CUX2: variants seen among roughly 807,000 people sequenced by gnomAD.
CUX2 encodes the protein cut like homeobox 2.
CUX2 carries 40 observed loss-of-function variants against 144.8 expected under a neutral mutation model. That is an observed-to-expected ratio of 0.28 (90% CI 0.21 to 0.36). The LOEUF is 0.36. Among genes scored for constraint, CUX2 ranks in the 10% least tolerant of loss-of-function variants. The probability of loss-of-function intolerance (pLI) is 1.00; values close to 1 mark genes in which losing one functional copy is unlikely to be tolerated. For missense variants in CUX2, 1,615 were observed against 1,994.0 expected (o/e 0.81, Z 3.62); for synonymous variants, 827 against 875.6 (o/e 0.94, Z 0.98).
At chr12:111,165,703 G>A (rs1878095832) in intron 1 of CUX2, among the ~76,000 whole-genome samples, 1 of 152,194 alleles carries the variant, frequency 6.6e-6, no homozygotes, top group Non-Finnish European at 1.5e-5. Flanking sequence ...GCTGGTGGGT[G>A]AGAACCAGCT....
chr12:111,151,013 A>G (rs1217371715), intron 1 of CUX2, among the ~76,000 whole-genome samples: 2 of 152,176 alleles, frequency 1.3e-5, no homozygotes, highest in Non-Finnish European at 2.9e-5. Context: ...GAAAAAGATA[A>G]ACACCCTTCC....
At chr12:111,292,487 G>A (rs961895318) in intron 5 of CUX2, among the ~76,000 whole-genome samples, 2 of 152,194 alleles carry the variant, frequency 1.3e-5, no homozygotes, top group Non-Finnish European at 2.9e-5. Flanking sequence ...CTACTTGGGA[G>A]GCTTAGGCAG....
chr12:111,255,569 G>A lies in CUX2; in HGVS notation c.223-8192G>A, dbSNP rs1009397459. On this transcript the variant is annotated intron_variant, in intron 3 of 21. Coordinates refer to ENST00000261726, the MANE Select transcript of CUX2 (RefSeq NM_015267.4). The surrounding 1 kb of genome is among the most constrained non-coding windows in gnomAD (Gnocchi z 4.1). The stretch of plus-strand genomic sequence containing the variant: ...CCCCCAACCAAAGAATCGATTCTGA[G>A]TGGAGGCTGAGAAGCATGGGCTTTG... 1.3e-5 allele frequency among the ~76,000 whole-genome samples: 2 copies of A among 152,208 alleles called. No individual in the cohort carries two copies. Among genetic ancestry groups the A allele is most frequent in the African/African-American group, 4.8e-5 (2 of 41,454 alleles).
intron 1 of CUX2, among the ~76,000 whole-genome samples, chr12:111,158,487 A>AAC (rs541392971): frequency 0.013 from 1,970 of 151,050 alleles, 55 homozygotes; most frequent in African/African-American, 0.046. Context: ...AAAAAAAAAA[A>AAC]AGCTCAGCCA....
intron 1 of CUX2, among the ~76,000 whole-genome samples, chr12:111,185,119 G>A (rs1012172635): frequency 2.6e-5 from 4 of 152,142 alleles, no homozygotes; most frequent in African/African-American, 9.7e-5. Context: ...GTAAAACAAA[G>A]GAAAGAAAGA....
intron 1 of CUX2, among the ~76,000 whole-genome samples, chr12:111,159,297 C>T (rs1228870193): frequency 5.3e-5 from 8 of 150,494 alleles, no homozygotes; most frequent in Non-Finnish European, 2.9e-5. Flanking sequence ...TACAGGTGTG[C>T]GCCACCATGC....
At chr12:111,124,242 T>G (rs1240737352) in intron 1 of CUX2, among the ~76,000 whole-genome samples, 1 of 152,240 alleles carries the variant, frequency 6.6e-6, no homozygotes, top group African/African-American at 2.4e-5. Context: ...ATTTATTTGA[T>G]CATCGTTTTA....
rs760224285 is a variant in CUX2, at chr12:111,310,141, C to A, written c.1359C>A (p.Asp453Glu). The A allele has an allele frequency of 9.1e-6, 14 of 1,532,278 alleles. No individual in the cohort carries two copies. The highest frequency in any genetic ancestry group is 1.2e-5 in the Non-Finnish European group (14 of 1,140,812). 94.9% of individuals were successfully genotyped at this position (1,532,278 alleles called of 1,614,324 possible). A position where few individuals can be genotyped will look rare whatever the true frequency, so the allele number is the denominator to read the frequency against. ...TCCCACCTCCACCAGGGCCAGAAGA[C>A]CCCCTGTCTCCCAGCCCCGGGCAGC... ...QQLPPPPGPE[D>E]PLSPSPGQPL... Residue 453 changes from aspartate (D) to glutamate (E), a missense_variant, in exon 15 of 22, where the codon GAC (aspartate) becomes GAA (glutamate). Asp to Glu is a conservative substitution (Grantham distance 45). This residue lies in a region of CUX2 where 154 missense variants were observed against 148.4 expected (regional missense o/e 1.04). Transcript: ENST00000261726. This position sits in a 1 kb window ranked among gnomAD's most constrained non-coding sequence, Gnocchi z 7.9.
intron 1 of CUX2, among the ~76,000 whole-genome samples, chr12:111,187,979 T>A (rs1879651354): frequency 6.6e-6 from 1 of 152,246 alleles, no homozygotes; most frequent in Non-Finnish European, 1.5e-5. Flanking sequence ...TTTTTAAACT[T>A]GGCCTATCTC....
intron 1 of CUX2, among the ~76,000 whole-genome samples, chr12:111,124,265 C>A (rs559366484): frequency 6.6e-6 from 1 of 152,314 alleles, no homozygotes; most frequent in East Asian, 1.9e-4. Context: ...GACATGGGAG[C>A]CTTCAGAATG....
chr12:111,145,417 G>A (rs1876604371), intron 1 of CUX2, among the ~76,000 whole-genome samples: 1 of 152,220 alleles, frequency 6.6e-6, no homozygotes, highest in African/African-American at 2.4e-5. Context: ...GCCAATGATT[G>A]GAGTACAGTG....
chr12:111,157,791 T>C (rs1385235853), intron 1 of CUX2, among the ~76,000 whole-genome samples: 1 of 152,182 alleles, frequency 6.6e-6, no homozygotes. Flanking sequence ...GTGGGGAAGA[T>C]GAAGAATCAC....
intron 4 of CUX2, among the ~76,000 whole-genome samples, chr12:111,285,455 C>T (rs1355944684): frequency 2.0e-5 from 3 of 152,170 alleles, no homozygotes; most frequent in African/African-American, 7.2e-5. Flanking sequence ...GAAGGTCTAA[C>T]GGCCGAGCCA....
Position 111,232,410 on chromosome 12 carries a change from GAGA to G in CUX2, c.222+14477_222+14479del, listed in dbSNP as rs1344729026. Among the ~76,000 whole-genome samples, 16 of 152,248 alleles carry G rather than the reference GAGA, an allele frequency of 1.1e-4. No homozygotes were observed. In the South Asian group the frequency reaches 3.3e-3, roughly 32 times the overall value. ...TCCCAGCAACTCAGGAGGCTGAGGT[GAGA>G]AGATTGCTTGAGCCCAGGAGTTTGA... On this transcript the variant is annotated intron_variant, in intron 3 of 21. Coordinates refer to ENST00000261726, the MANE Select transcript of CUX2 (RefSeq NM_015267.4).
At chr12:111,275,214 T>C (rs1012507157) in intron 4 of CUX2, among the ~76,000 whole-genome samples, 1 of 152,178 alleles carries the variant, frequency 6.6e-6, no homozygotes, top group Non-Finnish European at 1.5e-5. Flanking sequence ...TTCCCCACGG[T>C]GTCCCCCATC....
intron 1 of CUX2, among the ~76,000 whole-genome samples, chr12:111,083,494 C>T (rs1872025476): frequency 6.6e-6 from 1 of 152,068 alleles, no homozygotes; most frequent in Non-Finnish European, 1.5e-5. Context: ...GTCAATGCAT[C>T]TTGGGGTGCC....
chr12:111,142,529 GA>G (rs200266878), intron 1 of CUX2, among the ~76,000 whole-genome samples: 6,794 of 107,122 alleles, frequency 0.063, 455 homozygotes, highest in African/African-American at 0.17. Context: ...GTCAGGGAAG[GA>G]AAAAAAAAAA....
In CUX2 at chr12:111,263,733, G is replaced by C; in HGVS notation, c.223-28G>C. ...GCAGACACAGATGCCATGGTTACAC[G>C]TGACTCTTTCTCTTGTTGTCTCCAA... On this transcript the variant is annotated intron_variant, in intron 3 of 21. Transcript: ENST00000261726. This position sits in a 1 kb window ranked among gnomAD's most constrained non-coding sequence, Gnocchi z 4.0. 6.3e-7 allele frequency: 1 copy of C among 1,579,978 alleles called. No homozygotes were observed. The highest frequency in any genetic ancestry group is 8.7e-7 in the Non-Finnish European group (1 of 1,149,466).
At chr12:111,259,648 G>C (rs1232272788) in intron 3 of CUX2, among the ~76,000 whole-genome samples, 1 of 152,128 alleles carries the variant, frequency 6.6e-6, no homozygotes, top group Non-Finnish European at 1.5e-5. Context: ...CAAATCACTT[G>C]AGATCAGGAG....
Sources: gnomAD v4.1 joint callset for allele counts (sites outside exome capture counted in the v4.1 genomes callset) on GRCh38, gnomAD v4.1.1 for gene constraint, gnomAD v4.1.1 regional missense constraint, Gnocchi (gnomAD v3.1) non-coding constraint, MANE v1.5 for transcripts, NCBI Gene and HGNC (gene_info 2026-07-23, HGNC 2026-07-21) for gene names.